Variants in RELN observed in about 807,000 individuals in gnomAD.
The protein encoded by RELN is reelin.
Under a neutral mutation model 427.6 loss-of-function variants are expected in RELN, and 108 were observed. That is an observed-to-expected ratio of 0.25 (90% CI 0.22 to 0.30). The LOEUF is 0.30. Among genes scored for constraint, RELN ranks in the 10% least tolerant of loss-of-function variants. The pLI, the probability that RELN is intolerant of heterozygous loss-of-function variation, is 1.00. For missense variants in RELN, 3,715 were observed against 4,302.8 expected (o/e 0.86, Z 3.82); for synonymous variants, 1,524 against 1,513.4 (o/e 1.01, Z -0.16).
intron 10 of RELN, among the ~76,000 whole-genome samples, chr7:103,692,148 T>C (rs554080495): frequency 1.3e-5 from 2 of 152,194 alleles, no homozygotes; most frequent in African/African-American, 2.4e-5. Context: ...ACCCTCTTGA[T>C]ATTTTTCCAG....
intron 6 of RELN, among the ~76,000 whole-genome samples, chr7:103,744,912 TTA>T (rs1305618996): frequency 3.3e-5 from 5 of 152,222 alleles, no homozygotes; most frequent in Admixed American, 2.0e-4. Flanking sequence ...CTAACTCATT[TTA>T]TGAGGCCACT....
chr7:103,813,201 G>A (rs897220759), intron 3 of RELN, among the ~76,000 whole-genome samples: 1 of 152,000 alleles, frequency 6.6e-6, no homozygotes, highest in Non-Finnish European at 1.5e-5. Context: ...TGTCTTTTAT[G>A]ATCCTCTGGC....
chr7:103,519,673 C>G (rs901076511), intron 48 of RELN, among the ~76,000 whole-genome samples, 157 bp from the exon 49 acceptor site: 2 of 151,108 alleles, frequency 1.3e-5, no homozygotes, highest in African/African-American at 4.9e-5. Flanking sequence ...GCCTTGACCT[C>G]CTGGGTTCAA....
chr7:103,565,581 T>C (rs377547766), intron 33 of RELN, 30 bp from the exon 34 acceptor site: 26 of 1,604,446 alleles, frequency 1.6e-5, no homozygotes, highest in Non-Finnish European at 2.1e-5. Flanking sequence ...AATGGTAGCA[T>C]ATATGTGTGC....
chr7:103,678,526 T>A (rs932944656), intron 11 of RELN, among the ~76,000 whole-genome samples: 45 of 152,220 alleles, frequency 3.0e-4, no homozygotes, highest in African/African-American at 8.7e-4. Context: ...TCTTGCATCC[T>A]TGTGATCTGA....
chr7:103,623,315 C>T (rs1196410570), intron 20 of RELN, among the ~76,000 whole-genome samples: 2 of 152,154 alleles, frequency 1.3e-5, no homozygotes, highest in Non-Finnish European at 2.9e-5. Context: ...TTTTAAGAGT[C>T]TTTGTAAGAA....
intron 1 of RELN, among the ~76,000 whole-genome samples, chr7:103,944,887 C>T (rs2116746416): frequency 6.6e-6 from 1 of 152,184 alleles, no homozygotes; most frequent in Middle Eastern, 3.4e-3. Flanking sequence ...CAACCAGTAC[C>T]TTTGTGACCC....
chr7:103,771,183 C>T (rs1428944685), intron 4 of RELN, among the ~76,000 whole-genome samples: 1 of 151,742 alleles, frequency 6.6e-6, no homozygotes, highest in African/African-American at 2.4e-5. Flanking sequence ...TCCCAAAGTG[C>T]TGGGATTACA....
intron 2 of RELN, among the ~76,000 whole-genome samples, chr7:103,914,337 T>C (rs1405599837): frequency 1.3e-5 from 2 of 151,992 alleles, no homozygotes; most frequent in Non-Finnish European, 2.9e-5. Flanking sequence ...TCTGACAAAC[T>C]GACAAACCAT....
At chr7:103,527,553 G>C (rs1425219026) in intron 46 of RELN, among the ~76,000 whole-genome samples, 1 of 152,152 alleles carries the variant, frequency 6.6e-6, no homozygotes, top group Non-Finnish European at 1.5e-5. Flanking sequence ...TTAAGCTATG[G>C]GAGGCTGTAT....
chr7:103,683,614 G>A (rs939420310), intron 10 of RELN, among the ~76,000 whole-genome samples: 6 of 151,932 alleles, frequency 3.9e-5, no homozygotes, highest in African/African-American at 1.5e-4. Flanking sequence ...TGGTGATGTT[G>A]GTGTAAATAG....
intron 8 of RELN, among the ~76,000 whole-genome samples, chr7:103,718,588 T>G (rs1031958288): frequency 6.6e-6 from 1 of 152,132 alleles, no homozygotes; most frequent in African/African-American, 2.4e-5. Context: ...GGTCCTCAGA[T>G]CACCTCCCCC....
At chr7:103,486,488 C>T in intron 60 of RELN, 72 bp from the exon 61 acceptor site, 1 of 1,152,766 alleles carries the variant, frequency 8.7e-7, no homozygotes, top group Non-Finnish European at 1.3e-6. Context: ...AACAAGTATT[C>T]AAGTTCAGGT....
chr7:103,712,240 G>A (rs867572947), intron 8 of RELN, among the ~76,000 whole-genome samples: 8 of 152,020 alleles, frequency 5.3e-5, no homozygotes, highest in Middle Eastern at 3.4e-3. Context: ...CCTATTTACC[G>A]TAATATACAT....
intron 16 of RELN, among the ~76,000 whole-genome samples, chr7:103,642,748 AC>A (rs1832719585): frequency 6.6e-6 from 1 of 152,056 alleles, no homozygotes; most frequent in Non-Finnish European, 1.5e-5. Context: ...TGGTTTCTAA[AC>A]CACTTTGATG....
In RELN at chr7:103,792,004, T is replaced by G. The variant is rs1427643662; in HGVS notation, c.474-15377A>C. On this transcript the variant is annotated intron_variant, in intron 3 of 64. Transcript: ENST00000428762. Reference sequence around the variant, plus strand: ...CTCAACATCATTAATATTAGGGAAATGCAATGAAATGAAATACCATTCTAC... The same window carrying G: ...CTCAACATCATTAATATTAGGGAAAGGCAATGAAATGAAATACCATTCTAC... 4.6e-5 allele frequency among the ~76,000 whole-genome samples: 7 copies of G among 152,106 alleles called. No individual in the cohort carries two copies. In the South Asian group the frequency reaches 1.5e-3, roughly 32 times the overall value.
chr7:103,491,844 TCTCTCTCTCTCTCACA>T (rs1828668053), intron 58 of RELN, 93 bp downstream of exon 58: 4 of 628,136 alleles, frequency 6.4e-6, no homozygotes, highest in Admixed American at 2.3e-5. Context: ...TCTCTCTCTC[TCTCTCTCTCTCTCACA>T]CACACACACA....
chr7:103,858,859 C>A (rs1269200160), intron 2 of RELN, among the ~76,000 whole-genome samples: 1 of 152,056 alleles, frequency 6.6e-6, no homozygotes. Context: ...ATCTAGCTGG[C>A]CTTAGAAATG....
chr7:103,834,061 G>A (rs1301882136), intron 2 of RELN, among the ~76,000 whole-genome samples: 1 of 152,102 alleles, frequency 6.6e-6, no homozygotes, highest in African/African-American at 2.4e-5. Flanking sequence ...TGTCAGGAGA[G>A]GCTTGTTAAA....
Sources: allele counts gnomAD v4.1 joint callset (sites outside exome capture counted in the v4.1 genomes callset), GRCh38; gene constraint gnomAD v4.1.1; transcripts MANE v1.5; gene names NCBI Gene and HGNC (gene_info 2026-07-23, HGNC 2026-07-21).